Variants in PRKCA observed in about 807,000 individuals in gnomAD.
PRKCA encodes protein kinase C alpha type.
A neutral mutation model predicts 87.0 loss-of-function variants in PRKCA; 27 were observed. The observed-to-expected ratio is 0.31, with a 90% confidence interval of 0.23 to 0.43. The LOEUF (loss-of-function observed/expected upper bound fraction) is 0.43. Ranked by LOEUF, PRKCA falls within the 20% of genes least tolerant of loss-of-function variation. The pLI, the probability that PRKCA is intolerant of heterozygous loss-of-function variation, is 1.00. For missense variants in PRKCA, 518 were observed against 852.3 expected (o/e 0.61, Z 4.88); for synonymous variants, 329 against 311.1 (o/e 1.06, Z -0.61).
chr17:66,584,667 G>T (rs142071507), intron 3 of PRKCA, among the ~76,000 whole-genome samples: 79 of 152,238 alleles, frequency 5.2e-4, no homozygotes, highest in African/African-American at 1.9e-3. Context: ...ACTCCTGGTG[G>T]CTTCTGTTGT....
At chr17:66,434,893 C>T (rs1169605829) in intron 2 of PRKCA, among the ~76,000 whole-genome samples, 1 of 152,182 alleles carries the variant, frequency 6.6e-6, no homozygotes, top group African/African-American at 2.4e-5. Context: ...CTTCCTAGAA[C>T]ACAGTAACTA....
intron 14 of PRKCA, among the ~76,000 whole-genome samples, chr17:66,786,596 A>T (rs1457141190): frequency 6.6e-6 from 1 of 152,220 alleles, no homozygotes; most frequent in African/African-American, 2.4e-5. Flanking sequence ...ATCATTAAAA[A>T]CATTACTCAA....
At chr17:66,476,384 G>T (rs1244423523) in intron 2 of PRKCA, among the ~76,000 whole-genome samples, 1 of 152,220 alleles carries the variant, frequency 6.6e-6, no homozygotes, top group Non-Finnish European at 1.5e-5. Flanking sequence ...TCCTGCCACT[G>T]TCCTGGTCAA....
chr17:66,626,631 A>G (rs1440031952), intron 3 of PRKCA, among the ~76,000 whole-genome samples: 2 of 151,608 alleles, frequency 1.3e-5, no homozygotes, highest in African/African-American at 4.9e-5. Flanking sequence ...TGGCCTCCCA[A>G]AGTGCTGGGA....
At chr17:66,434,111 C>T (rs1913242774) in intron 2 of PRKCA, among the ~76,000 whole-genome samples, 1 of 151,974 alleles carries the variant, frequency 6.6e-6, no homozygotes, top group African/African-American at 2.4e-5. Flanking sequence ...TCTTGGGCCT[C>T]TTGCTGTCAC....
chr17:66,690,917 G>T (rs563026082), intron 8 of PRKCA, among the ~76,000 whole-genome samples: 1 of 151,858 alleles, frequency 6.6e-6, no homozygotes, highest in South Asian at 2.1e-4. Context: ...GCCAAGGCAG[G>T]CAGGTTGCTT....
At chr17:66,381,359 G>A (rs1235924734) in intron 2 of PRKCA, among the ~76,000 whole-genome samples, 1 of 152,136 alleles carries the variant, frequency 6.6e-6, no homozygotes, top group African/African-American at 2.4e-5. Context: ...TTCTAGCTTG[G>A]AGTTCAAGGA....
intron 2 of PRKCA, among the ~76,000 whole-genome samples, chr17:66,484,474 G>C (rs2144065892): frequency 6.6e-6 from 1 of 152,242 alleles, no homozygotes; most frequent in South Asian, 2.1e-4. Flanking sequence ...AAATAATTTG[G>C]GGGATTGTTT....
At chr17:66,659,666 C>A (rs1005120768) in intron 5 of PRKCA, among the ~76,000 whole-genome samples, 1 of 151,722 alleles carries the variant, frequency 6.6e-6, no homozygotes, top group African/African-American at 2.4e-5. Context: ...GGAGGATTAC[C>A]TGAGCCCAGG....
chr17:66,395,977 T>A (rs529118750), intron 2 of PRKCA, among the ~76,000 whole-genome samples: 1 of 152,134 alleles, frequency 6.6e-6, no homozygotes, highest in East Asian at 1.9e-4. Flanking sequence ...ATGTTTAACC[T>A]GGAAAGTCTC....
intron 3 of PRKCA, among the ~76,000 whole-genome samples, chr17:66,498,140 G>A (rs1396619187): frequency 1.2e-5 from 1 of 84,454 alleles, no homozygotes; most frequent in Non-Finnish European, 2.4e-5. Flanking sequence ...CCTGCTCCCC[G>A]CCTCCTGCCC....
At chr17:66,350,702 C>G (rs1389964222) in intron 2 of PRKCA, among the ~76,000 whole-genome samples, 1 of 151,766 alleles carries the variant, frequency 6.6e-6, no homozygotes, top group Non-Finnish European at 1.5e-5. Context: ...TTTTTTTCCC[C>G]TTGGTAGAGA....
At chr17:66,783,574 G>A (rs1286534044) in intron 14 of PRKCA, among the ~76,000 whole-genome samples, 3 of 152,216 alleles carry the variant, frequency 2.0e-5, no homozygotes, top group Non-Finnish European at 4.4e-5. Context: ...CATGCCAGGA[G>A]ACAATTAAGT....
At chr17:66,386,892 A>G (rs1218749779) in intron 2 of PRKCA, among the ~76,000 whole-genome samples, 7 of 152,020 alleles carry the variant, frequency 4.6e-5, no homozygotes, top group Non-Finnish European at 1.0e-4. Flanking sequence ...ACGTCATGAC[A>G]CATCTTATGA....
intron 3 of PRKCA, among the ~76,000 whole-genome samples, chr17:66,549,075 G>A (rs1241141535): frequency 1.3e-5 from 2 of 151,854 alleles, no homozygotes; most frequent in Admixed American, 6.6e-5. Context: ...CAGAGTGCTG[G>A]GATTACAGGC....
rs192357077 is a variant in PRKCA, at chr17:66,737,224, G to A, written c.1231-1540G>A. On this transcript the variant is annotated intron_variant, in intron 10 of 16. Coordinates refer to ENST00000413366, the MANE Select transcript of PRKCA (RefSeq NM_002737.3). Reference sequence around the variant, plus strand: ...AAAAAAAAAAAAAAATTAGCCGGGCGTGGTGGCGGGCGCCTGTAGTCCCAG... The same window carrying A: ...AAAAAAAAAAAAAAATTAGCCGGGCATGGTGGCGGGCGCCTGTAGTCCCAG... Among the ~76,000 whole-genome samples the A allele has an allele frequency of 1.9e-3, 282 of 151,840 alleles. 1 individual carries two copies. The highest frequency in any genetic ancestry group is 6.5e-3 in the African/African-American group (270 of 41,412).
At chr17:66,692,958 CCT>C (rs768201173) in intron 8 of PRKCA, among the ~76,000 whole-genome samples, 2 of 152,282 alleles carry the variant, frequency 1.3e-5, no homozygotes, top group Non-Finnish European at 1.5e-5. Context: ...CATGTCCAGC[CCT>C]GTTTTCTAAA....
intron 8 of PRKCA, among the ~76,000 whole-genome samples, chr17:66,692,574 C>T (rs1374215234): frequency 6.6e-6 from 1 of 152,184 alleles, no homozygotes; most frequent in Non-Finnish European, 1.5e-5. Flanking sequence ...AGCAGCCAGG[C>T]TTTGCAAACA....
chr17:66,708,389 G>A (rs909071629), intron 8 of PRKCA, among the ~76,000 whole-genome samples: 7 of 151,096 alleles, frequency 4.6e-5, no homozygotes, highest in Non-Finnish European at 7.4e-5. Flanking sequence ...AAGAGGTGCT[G>A]TGCGTATCTG....
Sources: allele counts gnomAD v4.1 joint callset (sites outside exome capture counted in the v4.1 genomes callset), GRCh38; gene constraint gnomAD v4.1.1; transcripts MANE v1.5; gene names NCBI Gene and HGNC (gene_info 2026-07-23, HGNC 2026-07-21).